DLGAP2: variants seen among roughly 807,000 people sequenced by gnomAD.
DLGAP2 encodes the protein disks large-associated protein 2.
Under a neutral mutation model 100.3 loss-of-function variants are expected in DLGAP2, and 26 were observed. The observed-to-expected ratio is 0.26, with a 90% CI of 0.19 to 0.36. DLGAP2 has a LOEUF of 0.36. Among genes scored for constraint, DLGAP2 ranks in the 10% least tolerant of loss-of-function variants. The pLI is 1.00. For missense variants in DLGAP2, 1,858 were observed against 1,453.2 expected (o/e 1.28, Z -4.53); for synonymous variants, 886 against 630.1 (o/e 1.41, Z -6.08).
rs370355615 is a variant in DLGAP2, at chr8:1,678,604, G to A, written c.2679G>A (p.Ala893=). ...GGTGCAAAGAGATGGAGAGAGAGGCGGAGGAGAACGACCTCTCGGAGGAAA... is the reference window on the plus strand; with the variant it reads ...GGTGCAAAGAGATGGAGAGAGAGGCAGAGGAGAACGACCTCTCGGAGGAAA... ...EGWCKEMERE[A]EENDLSEEIL... is the part of the protein sequence containing the mutation. Residue 893 remains alanine, a synonymous_variant, in exon 12 of 15, where the codon GCG becomes GCA. Transcript: ENST00000637795. The A allele has an allele frequency of 4.7e-5, 74 of 1,560,558 alleles. No individual in the cohort carries two copies. Among genetic ancestry groups the A allele is most frequent in the South Asian group, 8.3e-5 (7 of 84,116 alleles).
At position 1,694,962 on chromosome 8, in the gene DLGAP2, C is replaced by G. The variant is rs1401750058; in HGVS notation, c.2797-2185C>G. On this transcript the variant is annotated intron_variant, in intron 13 of 14. Transcript: ENST00000637795. ...AACAGAAGACAAAACCAAACCCTGACCATGCCAGGCTGTGCCCGTCCGGCC... is the reference window on the plus strand; with the variant it reads ...AACAGAAGACAAAACCAAACCCTGAGCATGCCAGGCTGTGCCCGTCCGGCC... Among the ~76,000 whole-genome samples the G allele has an allele frequency of 2.0e-5, 3 of 152,218 alleles. No homozygotes were observed. In the South Asian group the frequency reaches 6.2e-4, roughly 32 times the overall value.
At chr8:1,382,184 G>T (rs981395921) in intron 3 of DLGAP2, among the ~76,000 whole-genome samples, 1 of 152,158 alleles carries the variant, frequency 6.6e-6, no homozygotes, top group African/African-American at 2.4e-5. Flanking sequence ...ATTACATGCT[G>T]TATTCATACA....
intron 3 of DLGAP2, among the ~76,000 whole-genome samples, chr8:1,469,366 C>G (rs573088806): frequency 2.0e-5 from 3 of 152,338 alleles, no homozygotes; most frequent in African/African-American, 7.2e-5. Context: ...TATTCTGGCT[C>G]CTAGGAGCCG....
chr8:804,444 T>A (rs547898042), intron 1 of DLGAP2, among the ~76,000 whole-genome samples: 11 of 152,222 alleles, frequency 7.2e-5, no homozygotes, highest in Non-Finnish European at 1.2e-4. Flanking sequence ...TACGTACTTC[T>A]GTTTCGAGGA....
chr8:1,561,032 G>A (rs1250311365), intron 5 of DLGAP2, among the ~76,000 whole-genome samples: 1 of 152,180 alleles, frequency 6.6e-6, no homozygotes, highest in East Asian at 1.9e-4. Flanking sequence ...GGACCCAGTA[G>A]GAGGTGACTG....
intron 3 of DLGAP2, among the ~76,000 whole-genome samples, chr8:1,425,741 G>A (rs1184736707): frequency 6.6e-6 from 1 of 152,130 alleles, no homozygotes; most frequent in African/African-American, 2.4e-5. Context: ...AGATAAGGAC[G>A]TCTGTGCACC....
rs17670047 is a variant in DLGAP2 at position 1,360,907 on chromosome 8, G to A, written c.106+102024G>A. Among the ~76,000 whole-genome samples, 795 of 152,330 alleles carry A rather than the reference G, an allele frequency of 5.2e-3. 2 individuals are homozygous for A. The highest frequency in any genetic ancestry group is 7.4e-3 in the Non-Finnish European group (503 of 68,032). On this transcript the variant is annotated intron_variant, in intron 3 of 14. Transcript: ENST00000637795. ...CTGGCCCCACCGGACACGTGAACAC[G>A]GTTTCTCGCCTCTCATCGCTCACGT...
intron 2 of DLGAP2, among the ~76,000 whole-genome samples, chr8:1,251,543 T>A (rs1799040307): frequency 6.6e-6 from 1 of 152,196 alleles, no homozygotes; most frequent in Non-Finnish European, 1.5e-5. Context: ...CCTTGGTGAT[T>A]CTACCTCGAC....
At chr8:768,325 C>G (rs1276066048) in intron 1 of DLGAP2, among the ~76,000 whole-genome samples, 1 of 150,776 alleles carries the variant, frequency 6.6e-6, no homozygotes, top group Admixed American at 6.6e-5. Flanking sequence ...TATACAGTCA[C>G]TCAGACAAAT....
At chr8:1,256,878 C>A (rs1319977001) in intron 2 of DLGAP2, among the ~76,000 whole-genome samples, 3 of 152,248 alleles carry the variant, frequency 2.0e-5, no homozygotes, top group Admixed American at 6.5e-5. Flanking sequence ...AGCCCCGCCT[C>A]CCTCCACAGG....
At chr8:1,075,727 C>A (rs1372748617) in intron 2 of DLGAP2, among the ~76,000 whole-genome samples, 1 of 151,924 alleles carries the variant, frequency 6.6e-6, no homozygotes, top group East Asian at 1.9e-4. Context: ...GACCCCAGGG[C>A]ATGTTGTATG....
chr8:1,181,692 A>G (rs2116703903), intron 2 of DLGAP2, among the ~76,000 whole-genome samples: 1 of 152,332 alleles, frequency 6.6e-6, no homozygotes, highest in Admixed American at 6.5e-5. Context: ...TTAAAGTTAA[A>G]TAAGAAATGA....
chr8:1,148,118 A>G (rs1429745044), intron 2 of DLGAP2, among the ~76,000 whole-genome samples: 5 of 152,288 alleles, frequency 3.3e-5, no homozygotes, highest in African/African-American at 1.2e-4. Flanking sequence ...GTGAAGGTAT[A>G]ATTACAGATT....
chr8:950,509 C>T (rs138770374), intron 2 of DLGAP2, among the ~76,000 whole-genome samples: 16 of 152,230 alleles, frequency 1.1e-4, no homozygotes, highest in African/African-American at 3.4e-4. Context: ...AGATAAAATA[C>T]AGCACAGTTA....
intron 2 of DLGAP2, among the ~76,000 whole-genome samples, chr8:1,175,608 G>A (rs988044806): frequency 6.6e-6 from 1 of 152,172 alleles, no homozygotes; most frequent in African/African-American, 2.4e-5. Flanking sequence ...ATGCCAGTCT[G>A]TCTCTGAGAA....
intron 3 of DLGAP2, among the ~76,000 whole-genome samples, chr8:1,407,545 G>A (rs561724070): frequency 5.9e-5 from 8 of 135,280 alleles, no homozygotes; most frequent in African/African-American, 2.2e-4. Flanking sequence ...AGTGCTTACT[G>A]AGCGCCACCT....
chr8:899,296 G>A (rs1798205795), intron 1 of DLGAP2, among the ~76,000 whole-genome samples: 1 of 152,232 alleles, frequency 6.6e-6, no homozygotes, highest in Admixed American at 6.5e-5. Flanking sequence ...TTGGCCAAAG[G>A]TGGCCTTCCC....
At chr8:1,573,989 C>T (rs933560775) in intron 6 of DLGAP2, among the ~76,000 whole-genome samples, 3 of 152,246 alleles carry the variant, frequency 2.0e-5, no homozygotes, top group Non-Finnish European at 4.4e-5. Flanking sequence ...GACAGGACTC[C>T]TAACCCATTC....
chr8:1,154,553 T>G (rs1796747186), intron 2 of DLGAP2, among the ~76,000 whole-genome samples: 1 of 152,248 alleles, frequency 6.6e-6, no homozygotes. Flanking sequence ...TTTCATTTAT[T>G]TTCTGCTAAG....
Sources: gnomAD v4.1 joint callset for allele counts (sites outside exome capture counted in the v4.1 genomes callset) on GRCh38, gnomAD v4.1.1 for gene constraint, MANE v1.5 for transcripts, NCBI Gene and HGNC (gene_info 2026-07-23, HGNC 2026-07-21) for gene names.